Variants in ATP11B observed in about 807,000 individuals in gnomAD.
The protein encoded by ATP11B is ATPase phospholipid transporting 11B (putative).
In ATP11B, 81 loss-of-function variants were observed where a neutral mutation model predicts 157.8. The observed-to-expected ratio is 0.51, with a 90% CI of 0.43 to 0.62. The LOEUF is 0.62. Among genes scored for constraint, ATP11B ranks in the 20% least tolerant of loss-of-function variants. The pLI, the probability that ATP11B is intolerant of heterozygous loss-of-function variation, is 0.00. For missense variants in ATP11B, 1,165 were observed against 1,402.2 expected (o/e 0.83, Z 2.70); for synonymous variants, 451 against 469.4 (o/e 0.96, Z 0.51).
At chr3:182,810,534 T>C (rs1456906079) in intron 1 of ATP11B, among the ~76,000 whole-genome samples, 1 of 152,132 alleles carries the variant, frequency 6.6e-6, no homozygotes, top group African/African-American at 2.4e-5. Flanking sequence ...TTCTGACATA[T>C]AAAATTAATT....
chr3:182,802,798 T>C (rs1165504308), intron 1 of ATP11B, among the ~76,000 whole-genome samples: 1 of 152,162 alleles, frequency 6.6e-6, no homozygotes, highest in Admixed American at 6.5e-5. Context: ...AGGGATTTTG[T>C]CTGCTTTAGT....
rs1175592900 is a variant in ATP11B at position 182,848,474 on chromosome 3, A to G, written c.770-2A>G. The G allele has an allele frequency of 2.0e-6, 3 of 1,490,268 alleles. No individual in the cohort carries two copies. The highest frequency in any genetic ancestry group is 2.7e-6 in the Non-Finnish European group (3 of 1,114,404). The allele number at this position is 1,490,268 out of a possible 1,614,324, so 92.3% of individuals were successfully genotyped here. ...AAGAGACAATTTTGTTTTATTTTAC[A>G]GGTGTTGCGGTATACACTGGAATGG... On this transcript the variant is annotated splice_acceptor_variant, in intron 9 of 29. Coordinates refer to ENST00000323116, the MANE Select transcript of ATP11B (RefSeq NM_014616.3). LOFTEE classifies it high-confidence loss of function.
At position 182,895,144 on chromosome 3, in the gene ATP11B, A is replaced by C. The variant is rs767900047; in HGVS notation, c.2983-1556A>C. 7.4e-5 allele frequency among the ~76,000 whole-genome samples: 11 copies of C among 148,630 alleles called. No individual in the cohort carries two copies. The East Asian group carries it at 2.2e-3, about 29-fold the overall frequency. ...AAAAAAAAAAAAAAAAAAGGAAAGTATCTGTGTCCATACCCATGAAAGAGG... is the reference window on the plus strand; with the variant it reads ...AAAAAAAAAAAAAAAAAAGGAAAGTCTCTGTGTCCATACCCATGAAAGAGG... On this transcript the variant is annotated intron_variant, in intron 25 of 29. Transcript: ENST00000323116.
At chr3:182,854,140 A>G (rs1442683360) in intron 10 of ATP11B, among the ~76,000 whole-genome samples, 2 of 152,214 alleles carry the variant, frequency 1.3e-5, no homozygotes, top group African/African-American at 4.8e-5. Context: ...TTTTGAAAAC[A>G]AGTCATAGAC....
chr3:182,826,833 C>G (rs1218620861), intron 2 of ATP11B, among the ~76,000 whole-genome samples: 1 of 152,030 alleles, frequency 6.6e-6, no homozygotes, highest in Non-Finnish European at 1.5e-5. Context: ...TTTCAGGTCT[C>G]AAACAGCTAA....
chr3:182,797,202 T>C (rs1715671602), intron 1 of ATP11B, among the ~76,000 whole-genome samples: 1 of 152,224 alleles, frequency 6.6e-6, no homozygotes, highest in Non-Finnish European at 1.5e-5. Flanking sequence ...AGTATGTTTC[T>C]TTTCTTTCTC....
At chr3:182,849,447 AACTGTC>A (rs1719795190) in intron 10 of ATP11B, among the ~76,000 whole-genome samples, 2 of 152,372 alleles carry the variant, frequency 1.3e-5, no homozygotes, top group South Asian at 2.1e-4. Flanking sequence ...ACTCAATAGA[AACTGTC>A]TCCAAAATGA....
intron 12 of ATP11B, among the ~76,000 whole-genome samples, chr3:182,862,829 T>TA (rs1560095662): frequency 6.6e-6 from 1 of 151,818 alleles, no homozygotes; most frequent in African/African-American, 2.4e-5. Context: ...TTTTTTTTTT[T>TA]ATCCTCATGG....
intron 29 of ATP11B, chr3:182,916,856 G>C: frequency 1.0e-6 from 1 of 983,322 alleles, no homozygotes; most frequent in Non-Finnish European, 1.2e-6. Flanking sequence ...ACTGATAGCT[G>C]TTATAGTTAA....
intron 10 of ATP11B, among the ~76,000 whole-genome samples, chr3:182,850,566 TAAATA>T (rs939413814): frequency 3.3e-5 from 5 of 151,636 alleles, no homozygotes; most frequent in African/African-American, 9.7e-5. Context: ...AGACAAAAAA[TAAATA>T]AATAAATAAA....
rs748177427 is a variant in ATP11B at position 182,921,332 on chromosome 3, C to G, written c.*3228C>G. 2 of 152,082 alleles carry G rather than the reference C, an allele frequency of 1.3e-5. No homozygotes were observed. The highest frequency in any genetic ancestry group is 3.8e-4 in the East Asian group (2 of 5,200). The allele number at this position is 152,082 out of a possible 1,614,324, so 9.4% of individuals were successfully genotyped here. A position where few individuals can be genotyped will look rare whatever the true frequency, so the allele number is the denominator to read the frequency against. On this transcript the variant is annotated 3_prime_UTR_variant, in exon 30 of 30. Transcript: ENST00000323116. ...GTTATCTATTTTCATAAAAGTAAAA[C>G]ACTATTAAAGTGCTGTTTTATGTGA...
intron 2 of ATP11B, among the ~76,000 whole-genome samples, chr3:182,821,518 A>G (rs1717345609): frequency 6.6e-6 from 1 of 152,072 alleles, no homozygotes; most frequent in African/African-American, 2.4e-5. Flanking sequence ...ACTCTTATAT[A>G]TTCTTCCTTG....
intron 7 of ATP11B, 139 bp downstream of exon 7, chr3:182,837,313 G>A (rs1647095064): frequency 1.9e-5 from 11 of 574,906 alleles, no homozygotes; most frequent in South Asian, 3.2e-5. Context: ...TGCAATTAAT[G>A]GTGAAAAAAA....
chr3:182,901,424 C>T (rs559153311), intron 28 of ATP11B, among the ~76,000 whole-genome samples: 1 of 150,432 alleles, frequency 6.6e-6, no homozygotes, highest in Admixed American at 6.6e-5. Context: ...GTGCTTGTTT[C>T]GGATTTCAGA....
At chr3:182,903,958 G>A (rs2108586518) in intron 28 of ATP11B, among the ~76,000 whole-genome samples, 1 of 152,256 alleles carries the variant, frequency 6.6e-6, no homozygotes, top group Non-Finnish European at 1.5e-5. Flanking sequence ...TAAGAATAAT[G>A]GAGAAAGGAG....
intron 1 of ATP11B, among the ~76,000 whole-genome samples, chr3:182,812,067 A>G (rs911126866): frequency 1.3e-5 from 2 of 152,196 alleles, no homozygotes. Context: ...AAATAACCAA[A>G]TAGGATTCAC....
chr3:182,902,497 T>A, intron 28 of ATP11B: 1 of 1,289,490 alleles, frequency 7.8e-7, no homozygotes, highest in Non-Finnish European at 1.0e-6. Context: ...TCCAACACAG[T>A]TGCTTTAAGT....
chr3:182,874,183 A>C (rs951937285), intron 19 of ATP11B, among the ~76,000 whole-genome samples, 168 bp downstream of exon 19: 5 of 152,242 alleles, frequency 3.3e-5, no homozygotes. Flanking sequence ...ATATTTCATG[A>C]AGTGAAAAGT....
chr3:182,864,339 G>A (rs1188707464), intron 12 of ATP11B, among the ~76,000 whole-genome samples: 2 of 152,082 alleles, frequency 1.3e-5, no homozygotes, highest in South Asian at 4.1e-4. Context: ...CTGATCTTAG[G>A]AAGACAGCAT....
Sources: allele counts gnomAD v4.1 joint callset (sites outside exome capture counted in the v4.1 genomes callset), GRCh38; gene constraint gnomAD v4.1.1; transcripts MANE v1.5; gene names NCBI Gene and HGNC (gene_info 2026-07-23, HGNC 2026-07-21).